Variants in SLC4A10 observed in about 807,000 individuals in gnomAD.
The protein encoded by SLC4A10 is sodium-driven chloride bicarbonate exchanger.
A neutral mutation model predicts 137.7 loss-of-function variants in SLC4A10; 42 were observed. The observed-to-expected ratio is 0.30, with a 90% confidence interval of 0.24 to 0.39. The LOEUF (loss-of-function observed/expected upper bound fraction) is 0.39. Ranked by LOEUF, SLC4A10 falls within the 10% of genes least tolerant of loss-of-function variation. SLC4A10 has a pLI of 1.00. For synonymous variants in SLC4A10, 474 were observed against 464.1 expected (o/e 1.02, Z -0.27); for missense variants, 925 against 1,355.0 (o/e 0.68, Z 4.98).
intron 12 of SLC4A10, 183 bp downstream of exon 12, chr2:161,901,194 A>T: frequency 1.7e-6 from 1 of 589,554 alleles, no homozygotes; most frequent in Admixed American, 2.6e-5. Flanking sequence ...TGTTAAACTA[A>T]AACAGTGGAT....
intron 6 of SLC4A10, among the ~76,000 whole-genome samples, chr2:161,871,856 T>C (rs2061148317): frequency 1.3e-5 from 2 of 152,134 alleles, no homozygotes; most frequent in African/African-American, 2.4e-5. Flanking sequence ...AAAAATATAC[T>C]GTGTAATTTT....
chr2:161,736,506 TAC>T (rs1205752781), intron 1 of SLC4A10, among the ~76,000 whole-genome samples: 3 of 152,140 alleles, frequency 2.0e-5, no homozygotes, highest in African/African-American at 7.2e-5. Context: ...TCAGGAAACT[TAC>T]AGTCATGGTG....
Position 161,984,186 on chromosome 2 carries a change from T to C in SLC4A10, c.*1034T>C, listed in dbSNP as rs1411843258. The C allele has an allele frequency of 2.0e-5, 3 of 152,172 alleles. No individual in the cohort carries two copies. Among genetic ancestry groups the C allele is most frequent in the African/African-American group, 7.2e-5 (3 of 41,460 alleles). 9.4% of individuals were successfully genotyped at this position (152,172 alleles called of 1,614,324 possible). A position where few individuals can be genotyped will look rare whatever the true frequency, so the allele number is the denominator to read the frequency against. On this transcript the variant is annotated 3_prime_UTR_variant, in exon 27 of 27. Coordinates refer to ENST00000446997, the MANE Select transcript of SLC4A10 (RefSeq NM_001178015.2). The stretch of plus-strand genomic sequence containing the variant: ...CAACAGCTCTCCAATTGTCATTTTT[T>C]TTCTGCAGAGTTTTTTTTTTCCACT...
At chr2:161,669,497 G>T (rs1360404492) in intron 1 of SLC4A10, among the ~76,000 whole-genome samples, 2 of 151,748 alleles carry the variant, frequency 1.3e-5, no homozygotes, top group African/African-American at 4.8e-5. Context: ...AATTAAATGT[G>T]CCATAGTTAC....
chr2:161,866,754 G>A (rs2125906432), intron 6 of SLC4A10, among the ~76,000 whole-genome samples: 1 of 151,824 alleles, frequency 6.6e-6, no homozygotes, highest in Middle Eastern at 3.4e-3. Flanking sequence ...GGATCTAGAA[G>A]ACAAATTTTA....
At chr2:161,728,200 C>T (rs1482082271) in intron 1 of SLC4A10, among the ~76,000 whole-genome samples, 2 of 152,156 alleles carry the variant, frequency 1.3e-5, no homozygotes, top group African/African-American at 4.8e-5. Context: ...CCAAAACTCA[C>T]CCCAAATGAA....
intron 1 of SLC4A10, among the ~76,000 whole-genome samples, chr2:161,694,031 C>A (rs1477254439): frequency 6.6e-6 from 1 of 152,004 alleles, no homozygotes; most frequent in Non-Finnish European, 1.5e-5. Flanking sequence ...TCATTGAGGT[C>A]TCTTCAGAGA....
At chr2:161,887,881 T>C (rs1443662078) in intron 10 of SLC4A10, among the ~76,000 whole-genome samples, 1 of 152,240 alleles carries the variant, frequency 6.6e-6, no homozygotes, top group Non-Finnish European at 1.5e-5. Context: ...TCTTTGCCTA[T>C]GCCTATGTCC....
intron 1 of SLC4A10, among the ~76,000 whole-genome samples, chr2:161,656,938 A>G (rs991726546): frequency 1.3e-5 from 2 of 152,120 alleles, no homozygotes; most frequent in African/African-American, 4.8e-5. Context: ...CTGAACATGA[A>G]GTAAAAATAT....
At chr2:161,933,187 C>CTTTCTT (rs915487173) in intron 15 of SLC4A10, among the ~76,000 whole-genome samples, 1 of 19,122 alleles carries the variant, frequency 5.2e-5, no homozygotes, top group African/African-American at 2.0e-4. Context: ...TCCTTCTTTT[C>CTTTCTT]TTTCTTTCTT....
At chr2:161,962,208 G>GA (rs1295782071) in intron 21 of SLC4A10, among the ~76,000 whole-genome samples, 1 of 152,132 alleles carries the variant, frequency 6.6e-6, no homozygotes, top group Non-Finnish European at 1.5e-5. Context: ...AAACATGGCA[G>GA]AAAAAACAGA....
intron 1 of SLC4A10, among the ~76,000 whole-genome samples, chr2:161,684,008 T>C (rs371851038): frequency 1.3e-5 from 2 of 152,170 alleles, no homozygotes; most frequent in African/African-American, 4.8e-5. Context: ...CATCCTATAC[T>C]GAAACTCCGT....
chr2:161,725,479 A>T (rs2046115639), intron 1 of SLC4A10, among the ~76,000 whole-genome samples: 1 of 152,218 alleles, frequency 6.6e-6, no homozygotes, highest in African/African-American at 2.4e-5. Flanking sequence ...ACAGCTAAGG[A>T]ACTAACAGTT....
At chr2:161,972,195 A>G (rs1441515127) in intron 23 of SLC4A10, among the ~76,000 whole-genome samples, 1 of 147,536 alleles carries the variant, frequency 6.8e-6, no homozygotes, top group East Asian at 1.9e-4. Flanking sequence ...AAAGAATTGC[A>G]TCTTTCTCCT....
At chr2:161,799,460 T>C (rs2055150630) in intron 2 of SLC4A10, among the ~76,000 whole-genome samples, 1 of 151,862 alleles carries the variant, frequency 6.6e-6, no homozygotes, top group Non-Finnish European at 1.5e-5. Flanking sequence ...CCTGAGGGGA[T>C]TCTCTAGTTC....
Position 161,905,702 on chromosome 2 carries a change from A to G in SLC4A10, c.1812A>G (p.Leu604=), listed in dbSNP as rs750944000. ...GCATTGGACTTTGGACTGCAACTCTATGTATCATACTTGTGGCCACAGATG... is the reference window on the plus strand; with the variant it reads ...GCATTGGACTTTGGACTGCAACTCTGTGTATCATACTTGTGGCCACAGATG... ...RASIGLWTAT[L]CIILVATDAS... is the part of the protein sequence containing the mutation. Residue 604 remains leucine (L), a synonymous_variant, in exon 15 of 27, where the codon CTA becomes CTG. Transcript: ENST00000446997. The G allele has an allele frequency of 2.5e-6, 4 of 1,613,878 alleles. No individual in the cohort carries two copies. Among genetic ancestry groups the G allele is most frequent in the African/African-American group, 1.3e-5 (1 of 74,924 alleles).
At chr2:161,696,601 C>T (rs1319517969) in intron 1 of SLC4A10, among the ~76,000 whole-genome samples, 1 of 150,886 alleles carries the variant, frequency 6.6e-6, no homozygotes, top group Non-Finnish European at 1.5e-5. Context: ...TGATGATTTC[C>T]AATTTCATCC....
At chr2:161,849,819 AT>A (rs1345099126) in intron 4 of SLC4A10, among the ~76,000 whole-genome samples, 2 of 151,632 alleles carry the variant, frequency 1.3e-5, no homozygotes, top group Admixed American at 6.6e-5. Flanking sequence ...TTTGTGGAGG[AT>A]TTTTGCATCT....
intron 23 of SLC4A10, among the ~76,000 whole-genome samples, chr2:161,969,960 T>TGGTTCCAG (rs1236831568): frequency 5.3e-5 from 8 of 152,302 alleles, no homozygotes; most frequent in African/African-American, 1.7e-4. Flanking sequence ...GCCCAAAGTG[T>TGGTTCCAG]GGTTCCAGAA....
Sources: allele counts gnomAD v4.1 joint callset (sites outside exome capture counted in the v4.1 genomes callset), GRCh38; gene constraint gnomAD v4.1.1; transcripts MANE v1.5; gene names NCBI Gene and HGNC (gene_info 2026-07-23, HGNC 2026-07-21).